Variants in HCN4 observed in about 807,000 individuals in gnomAD.
HCN4 encodes hyperpolarization activated cyclic nucleotide gated potassium channel 4.
In HCN4, 29 loss-of-function variants were observed where a neutral mutation model predicts 76.9. The ratio of observed to expected loss-of-function variants is 0.38; its 90% confidence interval spans 0.28 to 0.51. HCN4 has a LOEUF of 0.51. Among genes scored for constraint, HCN4 ranks in the 20% least tolerant of loss-of-function variants. The probability of loss-of-function intolerance (pLI) is 0.90; values close to 1 mark genes in which losing one functional copy is unlikely to be tolerated. For synonymous variants in HCN4, 772 were observed against 762.5 expected, an observed-to-expected ratio of 1.01 and a Z score of -0.21; for missense variants, 1,416 against 1,715.2, an observed-to-expected ratio of 0.83 and a Z score of 3.08.
chr15:73,338,034 G>A (rs567597972), intron 2 of HCN4, among the ~76,000 whole-genome samples: 129 of 151,998 alleles, frequency 8.5e-4, no homozygotes, highest in Middle Eastern at 3.4e-3. Flanking sequence ...TGAGCTGCCT[G>A]GGAAGAGCTG....
At chr15:73,327,112 T>TC (rs2042904978) in intron 4 of HCN4, among the ~76,000 whole-genome samples, 1 of 149,184 alleles carries the variant, frequency 6.7e-6, no homozygotes. Flanking sequence ...CTTTTTCTTT[T>TC]TTTTTTTTTT....
chr15:73,343,186 A>G lies in HCN4; in HGVS notation c.1209+199T>C, dbSNP rs2043014811. 6.6e-6 allele frequency among the ~76,000 whole-genome samples: 1 copy of G among 152,248 alleles called. No individual in the cohort carries two copies. The highest frequency in any genetic ancestry group is 6.5e-5 in the Admixed American group (1 of 15,280). ...ATATGGTTCCCTCTATAGCTGTTACACACTTCATTGAGATACTGCATGTAA... is the reference window on the plus strand; with the variant it reads ...ATATGGTTCCCTCTATAGCTGTTACGCACTTCATTGAGATACTGCATGTAA... On this transcript the variant is annotated intron_variant, in intron 2 of 7. Coordinates refer to ENST00000261917, the MANE Select transcript of HCN4 (RefSeq NM_005477.3). This position sits in a 1 kb window ranked among gnomAD's most constrained non-coding sequence, Gnocchi z 5.7.
chr15:73,326,945 C>A (rs2042903976), intron 4 of HCN4, among the ~76,000 whole-genome samples: 2 of 151,678 alleles, frequency 1.3e-5, no homozygotes, highest in Non-Finnish European at 1.5e-5. Context: ...TGCCACCACG[C>A]CTGGCTAATT....
In HCN4 at chr15:73,368,423, C is replaced by G; in HGVS notation, c.-153G>C. ...CAGGCGCCCATGCTTGGGCAGGCTGCGCGCCGCGGGGAGGATCCTAGTCCC... is the reference window on the plus strand; with the variant it reads ...CAGGCGCCCATGCTTGGGCAGGCTGGGCGCCGCGGGGAGGATCCTAGTCCC... On this transcript the variant is annotated 5_prime_UTR_variant, in exon 1 of 8. Coordinates refer to ENST00000261917, the MANE Select transcript of HCN4 (RefSeq NM_005477.3). This position sits in a 1 kb window ranked among gnomAD's most constrained non-coding sequence, Gnocchi z 6.9. The G allele has an allele frequency of 4.4e-6, 2 of 453,684 alleles. No individual in the cohort carries two copies. Among genetic ancestry groups the G allele is most frequent in the Non-Finnish European group, 7.3e-6 (2 of 274,474 alleles). 28.1% of individuals were successfully genotyped at this position (453,684 alleles called of 1,614,324 possible).
chr15:73,335,187 G>A (rs773797732), intron 2 of HCN4: 1 of 152,270 alleles, frequency 6.6e-6, no homozygotes, highest in Non-Finnish European at 1.5e-5. Flanking sequence ...AGCCTGAGCT[G>A]ACTGAGACAC....
At position 73,329,768 on chromosome 15, in the gene HCN4, G is replaced by A. The variant is rs778755097; in HGVS notation, c.1395C>T (p.Tyr465=). 3 of 1,613,944 alleles carry A rather than the reference G, an allele frequency of 1.9e-6. No individual in the cohort carries two copies. Among genetic ancestry groups the A allele is most frequent in the East Asian group, 2.2e-5 (1 of 44,878 alleles). ...TCATGGCCTTGAAGAGCGCGTAGGAGTACTGCTTCCCCCAGGAGTTGTTCT... is the reference window on the plus strand; with the variant it reads ...TCATGGCCTTGAAGAGCGCGTAGGAATACTGCTTCCCCCAGGAGTTGTTCT... ...NMVNNSWGKQ[Y]SYALFKAMSH... Residue 465 remains tyrosine, a synonymous_variant, in exon 4 of 8, where the codon TAC becomes TAT. Coordinates refer to ENST00000261917, the MANE Select transcript of HCN4 (RefSeq NM_005477.3).
intron 2 of HCN4, among the ~76,000 whole-genome samples, chr15:73,342,592 C>T (rs1302460917): frequency 6.6e-6 from 1 of 152,234 alleles, no homozygotes. Flanking sequence ...CTGAGGCAAA[C>T]AGCCATCCAC....
chr15:73,323,981 G>T, intron 7 of HCN4, 32 bp from the exon 8 acceptor site: 1 of 1,609,266 alleles, frequency 6.2e-7, no homozygotes. Flanking sequence ...GGCACTCAGG[G>T]CAGAGCGGGG....
chr15:73,322,369 T>C lies in HCN4; in HGVS notation c.*112A>G, dbSNP rs938728400. ...CTGTCTTTTGTTTTTCTGGTGTGTG[T>C]GGTTTTTTAAATAATTATTACTGTT... is the stretch of plus-strand genomic sequence containing the variant. On this transcript the variant is annotated 3_prime_UTR_variant, in exon 8 of 8. Coordinates refer to ENST00000261917, the MANE Select transcript of HCN4 (RefSeq NM_005477.3). The C allele has an allele frequency of 1.7e-5, 15 of 898,098 alleles. No homozygotes were observed. The highest frequency in any genetic ancestry group is 2.3e-5 in the Non-Finnish European group (13 of 559,728). The allele number at this position is 898,098 out of a possible 1,614,324, so 55.6% of individuals were successfully genotyped here. A position where few individuals can be genotyped will look rare whatever the true frequency, so the allele number is the denominator to read the frequency against.
chr15:73,322,350 T>G lies in HCN4; in HGVS notation c.*131A>C, dbSNP rs554881181. 7.3e-5 allele frequency: 62 copies of G among 843,600 alleles called. 1 individual carries two copies. The highest frequency in any genetic ancestry group is 9.9e-5 in the Non-Finnish European group (51 of 514,944). 52.3% of individuals were successfully genotyped at this position (843,600 alleles called of 1,614,324 possible). On this transcript the variant is annotated 3_prime_UTR_variant, in exon 8 of 8. Transcript: ENST00000261917. ...AATACCTGGTTATTTTCTGCTGTCTTTTGTTTTTCTGGTGTGTGTGGTTTT... is the reference window on the plus strand; with the variant it reads ...AATACCTGGTTATTTTCTGCTGTCTGTTGTTTTTCTGGTGTGTGTGGTTTT...
At chr15:73,332,433 G>A (rs999199697) in intron 2 of HCN4, 141 bp from the exon 3 acceptor site, 10 of 832,328 alleles carry the variant, frequency 1.2e-5, no homozygotes, top group Non-Finnish European at 1.8e-5. Context: ...AATCCAGGCT[G>A]GGGGTGGGAT....
Position 73,321,831 on chromosome 15 carries a change from A to G in HCN4, c.*650T>C, listed in dbSNP as rs989841488. 6.4e-6 allele frequency: 1 copy of G among 155,284 alleles called. No individual in the cohort carries two copies. The highest frequency in any genetic ancestry group is 1.4e-5 in the Non-Finnish European group (1 of 70,004). 9.6% of individuals were successfully genotyped at this position (155,284 alleles called of 1,614,324 possible). ...CTGGGCATCCTGTCAACATGGGATT[A>G]AACTAGACCGCACACGTGTGCGCAC... is the stretch of plus-strand genomic sequence containing the variant. On this transcript the variant is annotated 3_prime_UTR_variant, in exon 8 of 8. Coordinates refer to ENST00000261917, the MANE Select transcript of HCN4 (RefSeq NM_005477.3).
rs1595824000 is a variant in HCN4, at chr15:73,332,219, A to G, written c.1283T>C (p.Leu428Pro). The G allele has an allele frequency of 6.2e-7, 1 of 1,614,190 alleles. No individual in the cohort carries two copies. The highest frequency in any genetic ancestry group is 2.2e-5 in the East Asian group (1 of 44,880). ...IVNLIGMMLLLCHWDGCLQFL... is the reference protein window; with the variant it reads ...IVNLIGMMLLPCHWDGCLQFL... ...CTGCAGGCAGCCGTCCCAGTGGCAG[A>G]GCAGGAGCATCATGCCGATGAGGTT... Residue 428 changes from leucine (L) to proline (P), a missense_variant, in exon 3 of 8, where the codon CTC becomes CCC. By Grantham distance (98) the Leu-to-Pro change is moderately conservative (BLOSUM62 -3). Coordinates refer to ENST00000261917, the MANE Select transcript of HCN4 (RefSeq NM_005477.3).
At chr15:73,346,526 C>T (rs1195968437) in intron 1 of HCN4, among the ~76,000 whole-genome samples, 3 of 152,098 alleles carry the variant, frequency 2.0e-5, no homozygotes, top group Non-Finnish European at 4.4e-5. Context: ...ACAGAGGAGC[C>T]TGTAATAGAC....
chr15:73,361,583 CG>C (rs1255417918), intron 1 of HCN4, among the ~76,000 whole-genome samples: 1 of 152,220 alleles, frequency 6.6e-6, no homozygotes, highest in Non-Finnish European at 1.5e-5. Flanking sequence ...GCTGCCTCCT[CG>C]GTTCTAAGAC....
rs371562763 is a variant in HCN4 at position 73,323,229 on chromosome 15, G to C, written c.2864C>G (p.Pro955Arg). Residue 955 changes from proline to arginine, a missense_variant, in exon 8 of 8, where the codon CCG (proline) becomes CGG (arginine). By Grantham distance (103) the Pro-to-Arg change is moderately radical. This residue lies in a region of HCN4 where 633 missense variants were observed against 579.8 expected (regional missense o/e 1.09). Coordinates refer to ENST00000261917, the MANE Select transcript of HCN4 (RefSeq NM_005477.3). ...PPGARGGLGLPEHFLPPPPSS... is the reference protein window; with the variant it reads ...PPGARGGLGLREHFLPPPPSS... ...GGGTGGGGGTGGCAGGAAGTGCTCC[G>C]GGAGTCCCAGGCCTCCCCGGGCCCC... The C allele has an allele frequency of 1.3e-6, 2 of 1,527,886 alleles. No individual in the cohort carries two copies. Among genetic ancestry groups the C allele is most frequent in the Non-Finnish European group, 1.8e-6 (2 of 1,139,342 alleles). The allele number at this position is 1,527,886 out of a possible 1,614,324, so 94.6% of individuals were successfully genotyped here. A position where few individuals can be genotyped will look rare whatever the true frequency, so the allele number is the denominator to read the frequency against.
intron 1 of HCN4, among the ~76,000 whole-genome samples, chr15:73,350,124 C>T (rs557648347): frequency 5.9e-5 from 9 of 152,330 alleles, no homozygotes; most frequent in African/African-American, 2.2e-4. Flanking sequence ...TGTGCTGCAC[C>T]TGTTTTTCAG....
At chr15:73,341,902 C>T (rs2043006704) in intron 2 of HCN4, among the ~76,000 whole-genome samples, 1 of 152,228 alleles carries the variant, frequency 6.6e-6, no homozygotes, top group Admixed American at 6.5e-5. Context: ...GCCCAGGCTG[C>T]TGCTGGGGGT....
Position 73,323,521 on chromosome 15 carries a change from G to A in HCN4, c.2572C>T (p.His858Tyr). The A allele has an allele frequency of 6.2e-7, 1 of 1,601,620 alleles. No individual in the cohort carries two copies. Among genetic ancestry groups the A allele is most frequent in the Non-Finnish European group, 8.5e-7 (1 of 1,179,852 alleles). The change falls in exon 8 of 8, where the codon CAC becomes TAC. Residue 858 changes from histidine to tyrosine, a missense_variant. Transcript: ENST00000261917. ...GAGAATCCAGCCAGCTGTTGGATGT[G>A]GAAGGAGGATGAAGACGGTGTGTCC... ...QVDTPSSSSF[H>Y]IQQLAGFSAP...
Sources: allele counts gnomAD v4.1 joint callset (sites outside exome capture counted in the v4.1 genomes callset), GRCh38; gene constraint gnomAD v4.1.1; regional missense constraint gnomAD v4.1.1; non-coding constraint Gnocchi (gnomAD v3.1); transcripts MANE v1.5; gene names NCBI Gene and HGNC (gene_info 2026-07-23, HGNC 2026-07-21).